Variants in FBXW10B observed in about 807,000 individuals in gnomAD.
FBXW10B encodes F-box and WD repeat domain containing protein 10B.
chr17:15,575,852 C>T, the FBXW10B span, among the ~76,000 whole-genome samples: 42 of 152,234 alleles, frequency 2.8e-4, no homozygotes, highest in African/African-American at 9.9e-4. Context: ...GCAGCTTCCA[C>T]GGGACTTTAC....
chr17:15,606,697 G>C, the FBXW10B span, among the ~76,000 whole-genome samples: 1 of 151,110 alleles, frequency 6.6e-6, no homozygotes. Context: ...AGCAATTCTT[G>C]ATATTTTTGC....
the FBXW10B span, among the ~76,000 whole-genome samples, chr17:15,592,629 C>T: frequency 4.1e-4 from 63 of 151,984 alleles, no homozygotes; most frequent in East Asian, 1.2e-3. Context: ...GCTGCCACCC[C>T]CCACTCTCCT....
chr17:15,612,407 A>G, the FBXW10B span, among the ~76,000 whole-genome samples: 12 of 151,928 alleles, frequency 7.9e-5, no homozygotes, highest in Admixed American at 3.3e-4. Context: ...CCAGCTACTC[A>G]GGAGGCTGAG....
At chr17:15,583,234 C>T in the FBXW10B span, among the ~76,000 whole-genome samples, 1 of 120,088 alleles carries the variant, frequency 8.3e-6, no homozygotes, top group African/African-American at 2.8e-5. Context: ...ACTTGCCATT[C>T]TTCTCCTCTT....
chr17:15,605,764 C>T, the FBXW10B span, among the ~76,000 whole-genome samples: 1 of 151,944 alleles, frequency 6.6e-6, no homozygotes, highest in African/African-American at 2.4e-5. Flanking sequence ...TCTTGGAAAA[C>T]ATCAGAGGAA....
At chr17:15,602,071 C>T in the FBXW10B span, among the ~76,000 whole-genome samples, 2 of 150,628 alleles carry the variant, frequency 1.3e-5, no homozygotes, top group Admixed American at 6.6e-5. Flanking sequence ...GAGATCGCAC[C>T]ACTGCACTCT....
the FBXW10B span, among the ~76,000 whole-genome samples, chr17:15,616,354 C>G: frequency 0.41 from 62,297 of 150,132 alleles, 15,938 homozygotes; most frequent in African/African-American, 0.72. Context: ...ATTTTTAGTA[C>G]AGATGGGGTT....
the FBXW10B span, among the ~76,000 whole-genome samples, chr17:15,578,096 G>A: frequency 6.6e-6 from 1 of 151,802 alleles, no homozygotes; most frequent in South Asian, 2.1e-4. Flanking sequence ...GGGGCAAGGG[G>A]GCCAATTCTA....
At chr17:15,601,889 A>G in the FBXW10B span, among the ~76,000 whole-genome samples, 2 of 152,038 alleles carry the variant, frequency 1.3e-5, no homozygotes, top group Non-Finnish European at 2.9e-5. Context: ...GAGGCGGGCA[A>G]ATCACGAGGT....
chr17:15,580,383 TA>T, the FBXW10B span, among the ~76,000 whole-genome samples: 4 of 151,970 alleles, frequency 2.6e-5, no homozygotes, highest in Admixed American at 2.0e-4. Context: ...CTGTTCTTAA[TA>T]AAAGGCCATT....
the FBXW10B span, among the ~76,000 whole-genome samples, chr17:15,586,372 A>G: frequency 6.6e-6 from 1 of 151,384 alleles, no homozygotes; most frequent in Admixed American, 6.6e-5. Context: ...GCGTTAGCAT[A>G]AATTTGATAT....
chr17:15,567,752 A>T, the FBXW10B span, among the ~76,000 whole-genome samples: 4 of 152,250 alleles, frequency 2.6e-5, no homozygotes, highest in South Asian at 8.3e-4. Flanking sequence ...TATAATAATA[A>T]GATCGCTAAA....
the FBXW10B span, chr17:15,619,469 C>T: frequency 3.7e-6 from 6 of 1,613,730 alleles, no homozygotes; most frequent in South Asian, 4.4e-5. Context: ...CTTCTCACAA[C>T]GAAAATAGGG....
chr17:15,594,043 C>T, the FBXW10B span, among the ~76,000 whole-genome samples: 2 of 152,004 alleles, frequency 1.3e-5, no homozygotes, highest in African/African-American at 4.8e-5. Context: ...GATGACAAAA[C>T]AAAAAGGCTG....
the FBXW10B span, among the ~76,000 whole-genome samples, chr17:15,587,640 A>T: frequency 1.3e-5 from 2 of 151,772 alleles, no homozygotes; most frequent in Non-Finnish European, 2.9e-5. Context: ...ATAATTCTAC[A>T]AGTTAGTCTT....
the FBXW10B span, chr17:15,594,556 G>C: frequency 1.3e-6 from 1 of 769,890 alleles, no homozygotes; most frequent in African/African-American, 1.8e-5. Context: ...GAGTGGAAGA[G>C]GCTAACAGTC....
the FBXW10B span, chr17:15,573,564 TG>T: frequency 2.6e-5 from 4 of 152,642 alleles, no homozygotes; most frequent in Admixed American, 2.6e-4. Context: ...TAATTTTGAA[TG>T]TAATATAGTT....
At chr17:15,585,679 C>G in the FBXW10B span, among the ~76,000 whole-genome samples, 8 of 152,154 alleles carry the variant, frequency 5.3e-5, no homozygotes, top group African/African-American at 7.2e-5. Context: ...TCTGGGGAAG[C>G]TTTCTGCTAA....
At chr17:15,618,954 C>T in the FBXW10B span, 2 of 1,584,802 alleles carry the variant, frequency 1.3e-6, no homozygotes, top group Non-Finnish European at 1.7e-6. Flanking sequence ...ATTTCTGAAG[C>T]CTTGCCTTCT....
Sources: gnomAD v4.1 joint callset for allele counts (sites outside exome capture counted in the v4.1 genomes callset) on GRCh38, gnomAD v4.1.1 for gene constraint, MANE v1.5 for transcripts, NCBI Gene and HGNC (gene_info 2026-07-23, HGNC 2026-07-21) for gene names.